The following ACOXL variants were observed in gnomAD, a reference collection of about 807,000 sequenced individuals.
ACOXL encodes the protein acyl-CoA oxidase like, also known as acyl-coenzyme A oxidase-like protein.
Under a neutral mutation model 71.9 loss-of-function variants are expected in ACOXL, and 70 were observed. The ratio of observed to expected loss-of-function variants is 0.97; its 90% CI spans 0.80 to 1.19. The LOEUF is 1.19. Ranked by LOEUF, ACOXL falls within the 50% of genes most tolerant of loss-of-function variation. The pLI is 0.00. For missense variants in ACOXL, 703 were observed against 736.3 expected (o/e 0.95, Z 0.52); for synonymous variants, 253 against 281.6 (o/e 0.90, Z 1.02).
At chr2:110,866,468 A>G (rs1694600245) in intron 10 of ACOXL, among the ~76,000 whole-genome samples, 1 of 152,172 alleles carries the variant, frequency 6.6e-6, no homozygotes, top group Admixed American at 6.5e-5. Context: ...CCGAATGCCC[A>G]GGGAGGAGGT....
intron 9 of ACOXL, among the ~76,000 whole-genome samples, chr2:110,821,150 C>G (rs1056405701): frequency 6.6e-6 from 1 of 152,204 alleles, no homozygotes; most frequent in Non-Finnish European, 1.5e-5. Context: ...GTTCCATGGT[C>G]GTGTGGCAGG....
intron 4 of ACOXL, 89 bp from the exon 5 acceptor site, chr2:110,793,987 C>T: frequency 7.4e-7 from 1 of 1,354,018 alleles, no homozygotes; most frequent in Non-Finnish European, 1.0e-6. Flanking sequence ...CTGTCCCTCT[C>T]TCACCACCAT....
intron 15 of ACOXL, among the ~76,000 whole-genome samples, chr2:111,045,725 T>A (rs1197458852): frequency 6.6e-6 from 1 of 152,132 alleles, no homozygotes; most frequent in Admixed American, 6.5e-5. Context: ...GTAGCCTGTG[T>A]CACACTGACA....
intron 10 of ACOXL, among the ~76,000 whole-genome samples, chr2:110,884,698 CCTGAAGTCTAAATCT>C (rs1212452289): frequency 1.3e-5 from 2 of 152,020 alleles, no homozygotes; most frequent in African/African-American, 4.8e-5. Context: ...GATCAAAATT[CCTGAAGTCTAAATCT>C]CTGAAGTCTA....
chr2:110,963,669 G>C, intron 12 of ACOXL: 1 of 1,613,858 alleles, frequency 6.2e-7, no homozygotes. Flanking sequence ...GTGTGACACA[G>C]ATGTGTTTGC....
At chr2:110,858,775 C>T (rs981110593) in intron 10 of ACOXL, among the ~76,000 whole-genome samples, 5 of 152,200 alleles carry the variant, frequency 3.3e-5, no homozygotes, top group East Asian at 1.9e-4. Flanking sequence ...TAAAATATCA[C>T]GGTGCCAGGC....
At chr2:110,990,027 T>A (rs550434710) in intron 13 of ACOXL, among the ~76,000 whole-genome samples, 4 of 152,048 alleles carry the variant, frequency 2.6e-5, no homozygotes, top group Non-Finnish European at 5.9e-5. Flanking sequence ...GCAACAAGAG[T>A]GAAACTTCGT....
chr2:110,819,455 G>A (rs974570780), intron 9 of ACOXL, among the ~76,000 whole-genome samples: 1 of 152,112 alleles, frequency 6.6e-6, no homozygotes, highest in Non-Finnish European at 1.5e-5. Context: ...GAAGTTGGGG[G>A]AGAAGGTGAC....
At chr2:110,854,744 G>A (rs184514837) in intron 10 of ACOXL, among the ~76,000 whole-genome samples, 14 of 152,316 alleles carry the variant, frequency 9.2e-5, no homozygotes, top group Admixed American at 7.8e-4. Flanking sequence ...CCAAGGGAGA[G>A]GTGGCCCTTC....
intron 14 of ACOXL, among the ~76,000 whole-genome samples, chr2:111,025,024 A>G (rs2064953877): frequency 6.6e-6 from 1 of 152,102 alleles, no homozygotes; most frequent in Non-Finnish European, 1.5e-5. Flanking sequence ...GATATAGGAC[A>G]TTTCTGTCAC....
In ACOXL at chr2:110,870,156, T is replaced by C. The variant is rs147945602; in HGVS notation, c.788+28751T>C. ...GGGCTGAGTCTGCTCCACAGGGTGTTTCCCAGAGTCCCACCTGAGGTGCTT... is the reference window on the plus strand; with the variant it reads ...GGGCTGAGTCTGCTCCACAGGGTGTCTCCCAGAGTCCCACCTGAGGTGCTT... On this transcript the variant is annotated intron_variant, in intron 10 of 17. Coordinates refer to ENST00000439055, the MANE Select transcript of ACOXL (RefSeq NM_001142807.4). Among the ~76,000 whole-genome samples the C allele has an allele frequency of 3.8e-3, 572 of 152,282 alleles. 10 individuals are homozygous for C. The highest frequency in any genetic ancestry group is 0.013 in the African/African-American group (544 of 41,564).
At position 110,801,684 on chromosome 2, in the gene ACOXL, T is replaced by C. The variant is rs111903386; in HGVS notation, c.580T>C (p.Phe194Leu). The change falls in exon 8 of 18, where the codon TTT (phenylalanine) becomes CTT (leucine). Residue 194 changes from phenylalanine to leucine, a missense_variant. Transcript: ENST00000439055. ...LHGVDNGILI[F>L]DKVRIPRENL... The stretch of plus-strand genomic sequence containing the variant: ...TGGTGTGGACAATGGGATATTAATA[T>C]TTGACAAGGTTCGGATACCCAGGGA... The C allele has an allele frequency of 7.4e-5, 119 of 1,614,182 alleles. No homozygotes were observed. In the African/African-American group the frequency reaches 1.3e-3, roughly 18 times the overall value.
chr2:110,943,051 G>A (rs541082756), intron 12 of ACOXL, among the ~76,000 whole-genome samples: 81 of 141,656 alleles, frequency 5.7e-4, no homozygotes, highest in African/African-American at 2.1e-3. Flanking sequence ...AAGGAAGGAA[G>A]AAAGAAAAGG....
intron 17 of ACOXL, among the ~76,000 whole-genome samples, chr2:111,114,646 GC>G (rs1363314437): frequency 6.6e-6 from 1 of 152,000 alleles, no homozygotes; most frequent in Non-Finnish European, 1.5e-5. Flanking sequence ...AGTGTACTGG[GC>G]ACTTCCCACC....
chr2:111,020,560 C>T (rs766411726), intron 14 of ACOXL, among the ~76,000 whole-genome samples: 3 of 152,112 alleles, frequency 2.0e-5, no homozygotes, highest in Admixed American at 1.3e-4. Flanking sequence ...TTCAGGATAG[C>T]GGGAAGCCGT....
chr2:110,750,114 A>G (rs1314214261), intron 1 of ACOXL, among the ~76,000 whole-genome samples: 1 of 152,132 alleles, frequency 6.6e-6, no homozygotes, highest in African/African-American at 2.4e-5. Context: ...CTGTACAGTT[A>G]CCTTTTCCTT....
intron 17 of ACOXL, among the ~76,000 whole-genome samples, chr2:111,110,541 T>C (rs998090824): frequency 3.9e-5 from 6 of 152,192 alleles, no homozygotes; most frequent in African/African-American, 1.4e-4. Context: ...TTTGTTTCTG[T>C]GCTAGGAGTT....
At chr2:110,961,009 A>G (rs2061682295) in intron 12 of ACOXL, among the ~76,000 whole-genome samples, 1 of 152,208 alleles carries the variant, frequency 6.6e-6, no homozygotes, top group Non-Finnish European at 1.5e-5. Flanking sequence ...CCAAGGATTG[A>G]GACTCCTGTG....
chr2:110,905,142 A>G (rs2059394539), intron 10 of ACOXL, among the ~76,000 whole-genome samples: 2 of 152,160 alleles, frequency 1.3e-5, no homozygotes, highest in South Asian at 4.1e-4. Context: ...TGAAATGCTC[A>G]GGGCATTCCA....
Sources: allele counts gnomAD v4.1 joint callset (sites outside exome capture counted in the v4.1 genomes callset), GRCh38; gene constraint gnomAD v4.1.1; transcripts MANE v1.5; gene names NCBI Gene and HGNC (gene_info 2026-07-23, HGNC 2026-07-21).